Variants in BMPR1B observed in about 807,000 individuals in gnomAD.
BMPR1B encodes the protein bone morphogenetic protein receptor type-1B.
A neutral mutation model predicts 59.1 loss-of-function variants in BMPR1B; 12 were observed. The ratio of observed to expected loss-of-function variants is 0.20; its 90% CI spans 0.13 to 0.33. BMPR1B has a LOEUF of 0.33. Ranked by LOEUF, BMPR1B falls within the 10% of genes least tolerant of loss-of-function variation. The probability of loss-of-function intolerance (pLI) is 1.00; values close to 1 mark genes in which losing one functional copy is unlikely to be tolerated. For missense variants in BMPR1B, 550 were observed against 610.9 expected, an observed-to-expected ratio of 0.90 and a Z score of 1.05; for synonymous variants, 237 against 207.3, an observed-to-expected ratio of 1.14 and a Z score of -1.23.
intron 1 of BMPR1B, among the ~76,000 whole-genome samples, chr4:94,801,473 A>T (rs1254285016): frequency 6.6e-6 from 1 of 152,182 alleles, no homozygotes; most frequent in Non-Finnish European, 1.5e-5. Context: ...GCCCTCCTCT[A>T]TCTTCCCTAC....
intron 2 of BMPR1B, among the ~76,000 whole-genome samples, chr4:94,887,403 C>CAAAAAAAAAAAAAAAAAAAA (rs57818132): frequency 5.5e-4 from 30 of 54,812 alleles, no homozygotes; most frequent in Non-Finnish European, 6.6e-4. Flanking sequence ...CACCCCCCAC[C>CAAAAAAAAAAAAAAAAAAAA]AAAAAAAAAA....
intron 8 of BMPR1B, 145 bp downstream of exon 8, chr4:95,125,266 G>A: frequency 1.9e-6 from 2 of 1,052,324 alleles, no homozygotes; most frequent in South Asian, 1.4e-5. Context: ...CAGCTGCAGG[G>A]CTTCCTGATA....
chr4:94,968,863 C>T (rs1730663568), intron 2 of BMPR1B, among the ~76,000 whole-genome samples: 1 of 152,086 alleles, frequency 6.6e-6, no homozygotes. Context: ...TACATATTCT[C>T]ATGTAGGAGG....
At position 94,860,555 on chromosome 4, in the gene BMPR1B, T is replaced by C. The variant is rs1725936810; in HGVS notation, c.-182-15276T>C. On this transcript the variant is annotated intron_variant, in intron 1 of 12. Transcript: ENST00000515059. ...AAGGATTCAATTTATGGACTTTGAT[T>C]GAACCTGTTTGTAACTATTGGTCTC... Among the ~76,000 whole-genome samples, 4 of 152,218 alleles carry C rather than the reference T, an allele frequency of 2.6e-5. No individual in the cohort carries two copies. The South Asian group carries it at 8.3e-4, about 32-fold the overall frequency.
intron 1 of BMPR1B, among the ~76,000 whole-genome samples, chr4:94,836,748 A>G (rs1482260051): frequency 6.8e-6 from 1 of 147,046 alleles, no homozygotes; most frequent in Non-Finnish European, 1.5e-5. Context: ...GCTGTACAGA[A>G]GCTCTTTATT....
At chr4:94,899,432 T>TAC (rs1487397025) in intron 2 of BMPR1B, among the ~76,000 whole-genome samples, 1 of 149,550 alleles carries the variant, frequency 6.7e-6, no homozygotes, top group Admixed American at 6.7e-5. Context: ...TGTATATATA[T>TAC]ACACACACAC....
At chr4:94,863,757 AAT>A (rs1339676472) in intron 1 of BMPR1B, among the ~76,000 whole-genome samples, 4 of 152,248 alleles carry the variant, frequency 2.6e-5, no homozygotes, top group Admixed American at 2.0e-4. Context: ...TTATTTCAGA[AAT>A]AGTGTTAATT....
chr4:94,926,961 A>G (rs1728913845), intron 2 of BMPR1B, among the ~76,000 whole-genome samples: 1 of 152,128 alleles, frequency 6.6e-6, no homozygotes. Flanking sequence ...TTTTAAAAAG[A>G]TATTTCCTTT....
At chr4:95,040,687 G>A (rs1310727692) in intron 3 of BMPR1B, among the ~76,000 whole-genome samples, 2 of 152,184 alleles carry the variant, frequency 1.3e-5, no homozygotes, top group Admixed American at 1.3e-4. Context: ...GACTCCAGGA[G>A]TCGAAGTGTG....
rs58564173 is a variant in BMPR1B at position 95,009,325 on chromosome 4, A to G, written c.-18+13191A>G. Among the ~76,000 whole-genome samples, 628 of 152,322 alleles carry G rather than the reference A, an allele frequency of 4.1e-3. 15 individuals carry two copies. The East Asian group carries it at 0.078, about 19-fold the overall frequency. On this transcript the variant is annotated intron_variant, in intron 3 of 12. Transcript: ENST00000515059. ...CAGGAAATAGGTATGCAATTTTTTA[A>G]TAGTAGTAGTATACATAGTAGGGAA...
intron 2 of BMPR1B, among the ~76,000 whole-genome samples, chr4:94,908,061 T>TAAAAAAAAAAAAAAAAAAAAAAAAAAAAA (rs571793477): frequency 3.9e-4 from 18 of 46,250 alleles, no homozygotes; most frequent in East Asian, 1.8e-3. Context: ...ACCCTGTCTT[T>TAAAAAAAAAAAAAAAAAAAAAAAAAAAAA]AAAAAAAAAA....
intron 3 of BMPR1B, among the ~76,000 whole-genome samples, chr4:95,079,308 G>C (rs1044832059): frequency 2.6e-5 from 4 of 152,114 alleles, no homozygotes; most frequent in South Asian, 2.1e-4. Flanking sequence ...GTTGTTCTAC[G>C]TACCTCAAGA....
At chr4:94,973,648 A>C (rs1730899113) in intron 2 of BMPR1B, among the ~76,000 whole-genome samples, 1 of 152,130 alleles carries the variant, frequency 6.6e-6, no homozygotes, top group African/African-American at 2.4e-5. Flanking sequence ...TGAGCGGGTA[A>C]ACAGGGATAG....
chr4:94,782,829 C>A (rs995076256), intron 1 of BMPR1B, among the ~76,000 whole-genome samples: 11 of 152,100 alleles, frequency 7.2e-5, no homozygotes, highest in African/African-American at 2.2e-4. Flanking sequence ...TGCTTTAATT[C>A]CCTGTATATT....
At chr4:94,873,996 A>G (rs751293995) in intron 1 of BMPR1B, among the ~76,000 whole-genome samples, 2 of 152,088 alleles carry the variant, frequency 1.3e-5, no homozygotes, top group Non-Finnish European at 2.9e-5. Flanking sequence ...TACTTTAGAT[A>G]CCTCATGTAA....
chr4:94,905,782 C>T (rs1728014216), intron 2 of BMPR1B, among the ~76,000 whole-genome samples: 2 of 151,960 alleles, frequency 1.3e-5, no homozygotes, highest in East Asian at 3.9e-4. Context: ...TTGTGGTGGG[C>T]AGGACAGTAT....
intron 2 of BMPR1B, among the ~76,000 whole-genome samples, chr4:94,893,272 C>G (rs1727466989): frequency 6.6e-6 from 1 of 151,984 alleles, no homozygotes; most frequent in South Asian, 2.1e-4. Flanking sequence ...TAACATTCTC[C>G]TTTGGCTCTA....
chr4:94,801,170 A>C (rs1443171968), intron 1 of BMPR1B, among the ~76,000 whole-genome samples: 1 of 152,136 alleles, frequency 6.6e-6, no homozygotes, highest in East Asian at 1.9e-4. Flanking sequence ...TGCCCTTTGC[A>C]CATAATAGTT....
intron 1 of BMPR1B, among the ~76,000 whole-genome samples, chr4:94,852,451 C>G (rs1325843081): frequency 6.6e-6 from 1 of 152,046 alleles, no homozygotes; most frequent in Non-Finnish European, 1.5e-5. Flanking sequence ...AATTGATAAG[C>G]TATATTTTAA....
Sources: gnomAD v4.1 joint callset for allele counts (sites outside exome capture counted in the v4.1 genomes callset) on GRCh38, gnomAD v4.1.1 for gene constraint, MANE v1.5 for transcripts, NCBI Gene and HGNC (gene_info 2026-07-23, HGNC 2026-07-21) for gene names.